CLIC5: variants seen among roughly 807,000 people sequenced by gnomAD.
The protein encoded by CLIC5 is chloride intracellular channel protein 5.
Under a neutral mutation model 24.7 loss-of-function variants are expected in CLIC5, and 20 were observed. The observed-to-expected ratio is 0.81, with a 90% CI of 0.57 to 1.18. CLIC5 has a LOEUF of 1.18. Ranked by LOEUF, CLIC5 falls within the 50% of genes most tolerant of loss-of-function variation. The probability of loss-of-function intolerance (pLI) is 0.00; values close to 1 mark genes in which losing one functional copy is unlikely to be tolerated. For synonymous variants in CLIC5, 159 were observed against 135.6 expected (o/e 1.17, Z -1.20); for missense variants, 341 against 326.1 (o/e 1.05, Z -0.35).
upstream of CLIC5, among the ~76,000 whole-genome samples, chr6:46,019,828 CATA>C (rs200522544): frequency 4.0e-5 from 6 of 148,758 alleles, no homozygotes; most frequent in Middle Eastern, 3.6e-3. Flanking sequence ...AGAGACATTA[CATA>C]ATAATAATAA....
chr6:46,044,060 G>A (rs1287184440), intron 1 of CLIC5, among the ~76,000 whole-genome samples: 1 of 152,156 alleles, frequency 6.6e-6, no homozygotes, highest in Admixed American at 6.5e-5. Flanking sequence ...GAGCAAAATA[G>A]TGCCTGGTAT....
In CLIC5 at chr6:45,958,288, G is replaced by C. The variant is rs756859564; in HGVS notation, c.64-3044C>G. Among the ~76,000 whole-genome samples, 115 of 151,376 alleles carry C rather than the reference G, an allele frequency of 7.6e-4. 2 individuals carry two copies. Among genetic ancestry groups the C allele is most frequent in the Admixed American group, 2.8e-3 (43 of 15,170 alleles). The stretch of plus-strand genomic sequence containing the variant: ...AAGCTAGAAGAGACAAGTAGAGCCT[G>C]GCTCTGCCCACACCTTGATTTTGAA... On this transcript the variant is annotated intron_variant, in intron 1 of 5. Coordinates refer to ENST00000339561, the MANE Select transcript of CLIC5 (RefSeq NM_016929.5).
the CLIC5 span, among the ~76,000 whole-genome samples, chr6:46,110,955 G>A: frequency 1.3e-5 from 2 of 152,122 alleles, no homozygotes; most frequent in African/African-American, 2.4e-5. Context: ...TATTCCTTAC[G>A]CTTGGTAGAA....
upstream of CLIC5, chr6:46,015,907 C>G: frequency 2.0e-6 from 2 of 1,010,660 alleles, no homozygotes; most frequent in Non-Finnish European, 2.4e-6. Context: ...GGCTGCAGGG[C>G]GGGGTCAGCC....
At chr6:46,075,322 T>G (rs1266979363) in intron 1 of CLIC5, among the ~76,000 whole-genome samples, 1 of 151,870 alleles carries the variant, frequency 6.6e-6, no homozygotes, top group African/African-American at 2.4e-5. Context: ...AATCCTAGCA[T>G]TTTGGGAGGC....
Position 46,047,561 on chromosome 6 carries a change from CTT to C in CLIC5, c.540+32140_540+32141del, listed in dbSNP as rs541811902. 1.1e-4 allele frequency among the ~76,000 whole-genome samples: 17 copies of C among 152,290 alleles called. No individual in the cohort carries two copies. In the South Asian group the frequency reaches 3.5e-3, roughly 32 times the overall value. On this transcript the variant is annotated intron_variant, in intron 1 of 5. Coordinates refer to the CLIC5 transcript ENST00000185206. The stretch of plus-strand genomic sequence containing the variant: ...TGCCTAGTCAAAACAGAAATTCTCT[CTT>C]GTCAGGAATATACACAATAATGCAA...
chr6:45,996,454 T>G lies in CLIC5; in HGVS notation c.63+19026A>C, dbSNP rs2127428596. 1.3e-5 allele frequency among the ~76,000 whole-genome samples: 2 copies of G among 152,308 alleles called. 1 individual carries two copies. The highest frequency in any genetic ancestry group is 6.8e-3 in the Middle Eastern group (2 of 294). On this transcript the variant is annotated intron_variant, in intron 1 of 5. Transcript: ENST00000339561. ...TGTCCTGAATGGTATTGCCTAGGTT[T>G]TCTTCTAGGGTTTTTATGGTTTTAG...
At chr6:45,944,549 C>CAAAAAA (rs773971605) in intron 3 of CLIC5, among the ~76,000 whole-genome samples, 2 of 61,412 alleles carry the variant, frequency 3.3e-5, no homozygotes, top group Non-Finnish European at 3.4e-5. Context: ...GGCTTCTCAC[C>CAAAAAA]AAAAAAAAAA....
chr6:46,058,762 GAAA>G (rs1489998084), intron 1 of CLIC5, among the ~76,000 whole-genome samples: 1 of 151,948 alleles, frequency 6.6e-6, no homozygotes, highest in Non-Finnish European at 1.5e-5. Context: ...AACGGTGGAA[GAAA>G]AAAATCCCAG....
rs555604406 is a variant in CLIC5 at position 46,001,045 on chromosome 6, A to G, written c.63+14435T>C. Among the ~76,000 whole-genome samples the G allele has an allele frequency of 4.6e-5, 7 of 152,288 alleles. No individual in the cohort carries two copies. In the East Asian group the frequency reaches 1.4e-3, roughly 29 times the overall value. On this transcript the variant is annotated intron_variant, in intron 1 of 5. Coordinates refer to ENST00000339561, the MANE Select transcript of CLIC5 (RefSeq NM_016929.5). The stretch of plus-strand genomic sequence containing the variant: ...GAGAGGCATTTTTCTCCCACTCTGG[A>G]ATGAAAGTTGCCTCGCCCTAGTTAG...
intron 3 of CLIC5, 56 bp from the exon 4 acceptor site, chr6:45,941,709 G>A (rs1764138529): frequency 2.3e-6 from 3 of 1,278,634 alleles, no homozygotes; most frequent in South Asian, 2.4e-5. Context: ...TCCTTTAAGG[G>A]TGAGCCTATC....
At chr6:45,983,603 C>T (rs1351603590) in intron 1 of CLIC5, among the ~76,000 whole-genome samples, 3 of 152,174 alleles carry the variant, frequency 2.0e-5, no homozygotes, top group African/African-American at 7.2e-5. Context: ...CAGGTATGGA[C>T]TGGCTGGCAT....
At chr6:45,897,294 C>T (rs979904367), downstream of CLIC5, among the ~76,000 whole-genome samples, 3 of 152,134 alleles carry the variant, frequency 2.0e-5, no homozygotes, top group Non-Finnish European at 4.4e-5. Context: ...CAATACTGGG[C>T]GGAACTTGGT....
chr6:46,101,910 T>C, the CLIC5 span, among the ~76,000 whole-genome samples: 1 of 149,030 alleles, frequency 6.7e-6, no homozygotes, highest in Non-Finnish European at 1.5e-5. Flanking sequence ...ACACCATTCC[T>C]GGGGGAAAAA....
chr6:45,946,731 T>A (rs1764301737), intron 3 of CLIC5, among the ~76,000 whole-genome samples: 1 of 152,196 alleles, frequency 6.6e-6, no homozygotes, highest in Non-Finnish European at 1.5e-5. Context: ...AGGCACTGGC[T>A]TGGTGACATT....
In CLIC5 at chr6:45,942,011, T is replaced by C. The variant is rs531886313; in HGVS notation, c.300-358A>G. On this transcript the variant is annotated intron_variant, in intron 3 of 5. Coordinates refer to ENST00000339561, the MANE Select transcript of CLIC5 (RefSeq NM_016929.5). ...CCTCTGAGCTTGCCTCTCTATCTGG[T>C]AGGGTTCTCAACACTTCCCTTACCC... Among the ~76,000 whole-genome samples the C allele has an allele frequency of 4.6e-5, 7 of 152,270 alleles. No homozygotes were observed. The East Asian group carries it at 1.2e-3, about 25-fold the overall frequency.
chr6:45,945,941 C>G (rs1339070225), intron 3 of CLIC5, among the ~76,000 whole-genome samples: 1 of 152,222 alleles, frequency 6.6e-6, no homozygotes, highest in African/African-American at 2.4e-5. Context: ...TCAGTTTACC[C>G]TCCTGAATTT....
rs1763157896 is a variant in CLIC5, at chr6:45,919,315, C to T, written c.407-4906G>A. 2.0e-5 allele frequency among the ~76,000 whole-genome samples: 3 copies of T among 152,094 alleles called. No homozygotes were observed. In the South Asian group the frequency reaches 6.2e-4, roughly 32 times the overall value. ...GTTTCTGGAATCTATGGGTGGAAGG[C>T]TTTGGAAAGCGAATACAGGTTCTGC... On this transcript the variant is annotated intron_variant, in intron 4 of 5. Coordinates refer to ENST00000339561, the MANE Select transcript of CLIC5 (RefSeq NM_016929.5).
chr6:46,102,547 G>A, the CLIC5 span: 8,219 of 152,406 alleles, frequency 0.054, 222 homozygotes, highest in African/African-American at 0.063. Context: ...CACCTTGAGA[G>A]AAAGAAGGTC....
Sources: allele counts gnomAD v4.1 joint callset (sites outside exome capture counted in the v4.1 genomes callset), GRCh38; gene constraint gnomAD v4.1.1; transcripts MANE v1.5; gene names NCBI Gene and HGNC (gene_info 2026-07-23, HGNC 2026-07-21).